The following ANGPT1 variants were observed in gnomAD, a reference collection of about 807,000 sequenced individuals.
ANGPT1 encodes angiopoietin-1.
A neutral mutation model predicts 62.2 loss-of-function variants in ANGPT1; 17 were observed. That is an observed-to-expected ratio of 0.27 (90% CI 0.19 to 0.41). The LOEUF is 0.41. Ranked by LOEUF, ANGPT1 falls within the 10% of genes least tolerant of loss-of-function variation. The probability of loss-of-function intolerance (pLI) is 1.00; values close to 1 mark genes in which losing one functional copy is unlikely to be tolerated. For missense variants in ANGPT1, 478 were observed against 594.9 expected (o/e 0.80, Z 2.04); for synonymous variants, 199 against 198.9 (o/e 1.00, Z 0.00).
intron 1 of ANGPT1, among the ~76,000 whole-genome samples, chr8:107,414,250 C>T (rs1379055523): frequency 6.6e-6 from 1 of 152,010 alleles, no homozygotes; most frequent in Non-Finnish European, 1.5e-5. Context: ...TGGCAGTCCA[C>T]ATTGATCCAG....
intron 5 of ANGPT1, among the ~76,000 whole-genome samples, chr8:107,302,157 A>ATC (rs1361012916): frequency 6.6e-6 from 1 of 151,972 alleles, no homozygotes; most frequent in East Asian, 1.9e-4. Flanking sequence ...AAAAGGCACA[A>ATC]TCTCTGCCTT....
intron 1 of ANGPT1, among the ~76,000 whole-genome samples, chr8:107,397,438 T>C (rs1048100936): frequency 8.7e-5 from 10 of 114,358 alleles, no homozygotes; most frequent in African/African-American, 2.8e-4. Flanking sequence ...TCAAAAATGT[T>C]GCTTGTGTGT....
At chr8:107,346,518 T>C (rs1815807025) in intron 2 of ANGPT1, among the ~76,000 whole-genome samples, 1 of 152,200 alleles carries the variant, frequency 6.6e-6, no homozygotes, top group South Asian at 2.1e-4. Context: ...TTTGAGATTG[T>C]CCTTTCTATC....
At chr8:107,370,356 G>GAAAGA (rs1816370922) in intron 1 of ANGPT1, among the ~76,000 whole-genome samples, 1 of 26,618 alleles carries the variant, frequency 3.8e-5, no homozygotes, top group African/African-American at 6.8e-5. Context: ...AAGAAAGAAA[G>GAAAGA]AAAGAAAGAA....
In ANGPT1 at chr8:107,427,068, G is replaced by T. The variant is rs370058331; in HGVS notation, c.297+70194C>A. On this transcript the variant is annotated intron_variant, in intron 1 of 8. Transcript: ENST00000517746. ...GAATTCTAACATAGAAAAAGAATATGGGTCCACACTCTGTTCCCCATGCAC... is the reference window on the plus strand; with the variant it reads ...GAATTCTAACATAGAAAAAGAATATTGGTCCACACTCTGTTCCCCATGCAC... Among the ~76,000 whole-genome samples the T allele has an allele frequency of 6.6e-5, 10 of 152,242 alleles. No individual in the cohort carries two copies. In the East Asian group the frequency reaches 1.7e-3, roughly 27 times the overall value.
chr8:107,395,402 C>A (rs1816915924), intron 1 of ANGPT1, among the ~76,000 whole-genome samples: 1 of 152,110 alleles, frequency 6.6e-6, no homozygotes, highest in Non-Finnish European at 1.5e-5. Context: ...GCATTTACTT[C>A]CATGTTTCCA....
At chr8:107,355,565 A>G (rs935929352) in intron 1 of ANGPT1, among the ~76,000 whole-genome samples, 3 of 150,140 alleles carry the variant, frequency 2.0e-5, no homozygotes, top group Non-Finnish European at 4.4e-5. Flanking sequence ...TGCTCCAGAC[A>G]TACCAAATGA....
At chr8:107,299,392 T>C (rs1301955273) in intron 5 of ANGPT1, among the ~76,000 whole-genome samples, 1 of 2,702 alleles carries the variant, frequency 3.7e-4, no homozygotes, top group Non-Finnish European at 8.1e-4. Flanking sequence ...TGAAGGAGTG[T>C]ATATATATAT....
At chr8:107,493,717 C>T (rs1203817388) in intron 1 of ANGPT1, among the ~76,000 whole-genome samples, 1 of 150,188 alleles carries the variant, frequency 6.7e-6, no homozygotes, top group African/African-American at 2.5e-5. Context: ...ATGTTATATA[C>T]TCTTCTGGGA....
At chr8:107,278,348 T>A (rs1813914311) in intron 7 of ANGPT1, among the ~76,000 whole-genome samples, 1 of 152,302 alleles carries the variant, frequency 6.6e-6, no homozygotes, top group Middle Eastern at 3.4e-3. Flanking sequence ...CCTCCCTAAG[T>A]GGTGGAATTA....
intron 1 of ANGPT1, among the ~76,000 whole-genome samples, chr8:107,487,539 T>C (rs944177966): frequency 7.0e-6 from 1 of 143,700 alleles, no homozygotes; most frequent in Middle Eastern, 3.6e-3. Flanking sequence ...CCGTGCGTCA[T>C]TCATCTGCTA....
chr8:107,351,314 C>T (rs968564771), intron 1 of ANGPT1, among the ~76,000 whole-genome samples: 7 of 152,036 alleles, frequency 4.6e-5, no homozygotes, highest in African/African-American at 1.7e-4. Context: ...CTGACTTCAT[C>T]CTTATACCAA....
At chr8:107,299,741 C>T (rs1814523910) in intron 5 of ANGPT1, among the ~76,000 whole-genome samples, 1 of 121,838 alleles carries the variant, frequency 8.2e-6, no homozygotes, top group Admixed American at 8.7e-5. Context: ...TCTAGATATA[C>T]TATATATCTA....
chr8:107,485,193 C>T (rs1772376100), intron 1 of ANGPT1, among the ~76,000 whole-genome samples: 1 of 152,152 alleles, frequency 6.6e-6, no homozygotes, highest in Admixed American at 6.5e-5. Flanking sequence ...CTACTGGGCA[C>T]CTGCAATGCC....
intron 1 of ANGPT1, among the ~76,000 whole-genome samples, chr8:107,357,541 A>T (rs1816072094): frequency 6.6e-6 from 1 of 152,064 alleles, no homozygotes; most frequent in Non-Finnish European, 1.5e-5. Flanking sequence ...GATTGGGGGG[A>T]TTGATGGGGT....
intron 1 of ANGPT1, among the ~76,000 whole-genome samples, chr8:107,388,294 G>A (rs192900119): frequency 3.9e-5 from 6 of 151,994 alleles, no homozygotes; most frequent in South Asian, 2.1e-4. Context: ...ATGTACCTAC[G>A]GTCCTAGCTA....
At chr8:107,343,202 A>G (rs762607087) in intron 2 of ANGPT1, among the ~76,000 whole-genome samples, 3 of 152,242 alleles carry the variant, frequency 2.0e-5, no homozygotes, top group Middle Eastern at 3.4e-3. Flanking sequence ...GTGATGTCTG[A>G]AAAGATGATT....
At chr8:107,474,091 G>A (rs911478013) in intron 1 of ANGPT1, among the ~76,000 whole-genome samples, 6 of 152,008 alleles carry the variant, frequency 3.9e-5, no homozygotes, top group South Asian at 2.1e-4. Context: ...ATTTCATGAC[G>A]CCAGCATCAT....
intron 1 of ANGPT1, among the ~76,000 whole-genome samples, chr8:107,481,563 A>G (rs1446476468): frequency 6.6e-6 from 1 of 150,748 alleles, no homozygotes; most frequent in Non-Finnish European, 1.5e-5. Context: ...AAAAGGAAGA[A>G]GAAAAGAAAA....
Sources: gnomAD v4.1 joint callset for allele counts (sites outside exome capture counted in the v4.1 genomes callset) on GRCh38, gnomAD v4.1.1 for gene constraint, MANE v1.5 for transcripts, NCBI Gene and HGNC (gene_info 2026-07-23, HGNC 2026-07-21) for gene names.